NDC80: variants seen among roughly 807,000 people sequenced by gnomAD.
NDC80 encodes the protein kinetochore protein NDC80 homolog.
NDC80 carries 69 observed loss-of-function variants against 89.3 expected under a neutral mutation model. The observed-to-expected ratio is 0.77, with a 90% CI of 0.64 to 0.94. The LOEUF (loss-of-function observed/expected upper bound fraction) is 0.94. Ranked by LOEUF, NDC80 falls within the 40% of genes least tolerant of loss-of-function variation. NDC80 has a pLI of 0.00. For missense variants in NDC80, 593 were observed against 739.6 expected, an observed-to-expected ratio of 0.80 and a Z score of 2.30; for synonymous variants, 243 against 255.6, an observed-to-expected ratio of 0.95 and a Z score of 0.47.
chr18:2,614,726 T>A (rs1296629477), intron 16 of NDC80, among the ~76,000 whole-genome samples: 1 of 152,164 alleles, frequency 6.6e-6, no homozygotes, highest in Non-Finnish European at 1.5e-5. Flanking sequence ...ATTTACACTA[T>A]ATGCTAGGGG....
chr18:2,584,458 T>G (rs2143640172), intron 6 of NDC80, among the ~76,000 whole-genome samples: 1 of 152,212 alleles, frequency 6.6e-6, no homozygotes, highest in East Asian at 1.9e-4. Context: ...ATGTTATGTT[T>G]TTAAAAGAAG....
intron 1 of NDC80, 33 bp from the exon 2 acceptor site, chr18:2,572,944 A>T (rs1344546972): frequency 1.9e-6 from 3 of 1,552,142 alleles, no homozygotes; most frequent in Non-Finnish European, 1.8e-6. Flanking sequence ...CTGTCTGGAA[A>T]GTTTTTTTTA....
At chr18:2,615,589 A>G (rs1307299330) in intron 16 of NDC80, among the ~76,000 whole-genome samples, 1 of 152,196 alleles carries the variant, frequency 6.6e-6, no homozygotes, top group Non-Finnish European at 1.5e-5. Flanking sequence ...TTCTTTTGCT[A>G]TGTAAGCTAA....
Position 2,595,621 on chromosome 18 carries a change from G to A in NDC80, c.1221G>A (p.Ala407=), listed in dbSNP as rs1431859222. 23 of 1,612,012 alleles carry A rather than the reference G, an allele frequency of 1.4e-5. No homozygotes were observed. The highest frequency in any genetic ancestry group is 3.3e-5 in the Admixed American group (2 of 59,954). The change falls in exon 11 of 17, where the codon GCG becomes GCA. Residue 407 remains alanine, a splice_region_variant and synonymous_variant. Coordinates refer to ENST00000261597, the MANE Select transcript of NDC80 (RefSeq NM_006101.3). ...TAAAATATGCCAGAGGCAAAGAAGCGGTATGTCATACCATTTCCAGAGTGG... is the reference window on the plus strand; with the variant it reads ...TAAAATATGCCAGAGGCAAAGAAGCAGTATGTCATACCATTTCCAGAGTGG... ...EELKYARGKE[A]IETQLAEYHK... is the part of the protein sequence containing the mutation.
intron 16 of NDC80, among the ~76,000 whole-genome samples, chr18:2,612,926 A>G (rs2072752991): frequency 6.6e-6 from 1 of 152,244 alleles, no homozygotes; most frequent in South Asian, 2.1e-4. Context: ...ATATTTGTTG[A>G]ACAGGATCAG....
chr18:2,595,641 GA>G lies in NDC80; in HGVS notation c.1221+21del. The G allele has an allele frequency of 6.2e-7, 1 of 1,606,292 alleles. No homozygotes were observed. The highest frequency in any genetic ancestry group is 8.5e-7 in the Non-Finnish European group (1 of 1,174,214). The stretch of plus-strand genomic sequence containing the variant: ...GAAGCGGTATGTCATACCATTTCCA[GA>G]GTGGCAACTCATCATAGCTGACCTT... On this transcript the variant is annotated intron_variant, in intron 11 of 16. Coordinates refer to ENST00000261597, the MANE Select transcript of NDC80 (RefSeq NM_006101.3).
At position 2,600,150 on chromosome 18, in the gene NDC80, A is replaced by G. The variant is rs147078769; in HGVS notation, c.1374+979A>G. ...GCAAGAAAATAATTACATGAATCACATTCTTGTAGAAAAGATTACACAATG... is the reference window on the plus strand; with the variant it reads ...GCAAGAAAATAATTACATGAATCACGTTCTTGTAGAAAAGATTACACAATG... On this transcript the variant is annotated intron_variant, in intron 12 of 16. Transcript: ENST00000261597. 1.5e-3 allele frequency among the ~76,000 whole-genome samples: 234 copies of G among 152,338 alleles called. 2 individuals carry two copies. The highest frequency in any genetic ancestry group is 0.015 in the South Asian group (71 of 4,830).
chr18:2,588,725 C>G (rs546329927), intron 8 of NDC80, among the ~76,000 whole-genome samples: 54 of 152,154 alleles, frequency 3.5e-4, no homozygotes, highest in African/African-American at 1.3e-3. Context: ...AAATAAATGG[C>G]TTTGTTTTAA....
At chr18:2,599,983 G>A (rs934074134) in intron 12 of NDC80, among the ~76,000 whole-genome samples, 7 of 152,108 alleles carry the variant, frequency 4.6e-5, no homozygotes, top group Non-Finnish European at 8.8e-5. Context: ...TTTGTGAGTG[G>A]ACAGACATTG....
intron 10 of NDC80, among the ~76,000 whole-genome samples, chr18:2,591,009 A>T (rs2072625045): frequency 6.6e-6 from 1 of 150,980 alleles, no homozygotes; most frequent in Admixed American, 6.6e-5. Context: ...CGTAGCTGGG[A>T]CTATAATAGG....
Position 2,616,540 on chromosome 18 carries a change from A to C in NDC80, c.1895A>C (p.Lys632Thr), listed in dbSNP as rs749742528. The change falls in exon 17 of 17, where the codon AAG becomes ACG. Residue 632 changes from lysine (K) to threonine (T), a missense_variant. Coordinates refer to ENST00000261597, the MANE Select transcript of NDC80 (RefSeq NM_006101.3). ...AAAGAGATTAGAGATAAGTATGAGAAGAAAGCTACTCTAATTAAGTCTTCT... is the reference window on the plus strand; with the variant it reads ...AAAGAGATTAGAGATAAGTATGAGACGAAAGCTACTCTAATTAAGTCTTCT... ...NIKEIRDKYE[K>T]KATLIKSSEE The C allele has an allele frequency of 6.8e-7, 1 of 1,467,550 alleles. No homozygotes were observed. Among genetic ancestry groups the C allele is most frequent in the South Asian group, 1.3e-5 (1 of 76,442 alleles). 90.9% of individuals were successfully genotyped at this position (1,467,550 alleles called of 1,614,324 possible).
intron 16 of NDC80, chr18:2,614,838 T>G (rs186948130): frequency 6.5e-6 from 1 of 152,910 alleles, no homozygotes; most frequent in East Asian, 1.9e-4. Context: ...TGCGGTTGGT[T>G]AAGATGAGGT....
chr18:2,597,069 A>C (rs1013238858), intron 11 of NDC80, among the ~76,000 whole-genome samples: 1 of 152,174 alleles, frequency 6.6e-6, no homozygotes, highest in Non-Finnish European at 1.5e-5. Flanking sequence ...AGATATACCT[A>C]ATGCTAAATG....
At position 2,587,450 on chromosome 18, in the gene NDC80, T is replaced by TA. The variant is rs1311888587; in HGVS notation, c.670-379dup. 2.6e-5 allele frequency among the ~76,000 whole-genome samples: 4 copies of TA among 152,372 alleles called. No individual in the cohort carries two copies. In the East Asian group the frequency reaches 7.7e-4, roughly 29 times the overall value. On this transcript the variant is annotated intron_variant, in intron 7 of 16. Coordinates refer to ENST00000261597, the MANE Select transcript of NDC80 (RefSeq NM_006101.3). ...AATTGGACTTAGATGATCAGCAGTTTATTTAAATTTTTCATCAGGTGCTTT... is the reference window on the plus strand; with the variant it reads ...AATTGGACTTAGATGATCAGCAGTTTAATTTAAATTTTTCATCAGGTGCTTT...
chr18:2,592,701 A>G (rs1013523959), intron 10 of NDC80, among the ~76,000 whole-genome samples: 3 of 152,070 alleles, frequency 2.0e-5, no homozygotes, highest in African/African-American at 7.2e-5. Context: ...TTTTGTGCAG[A>G]TGCCTGTGAT....
At chr18:2,572,851 G>A in intron 1 of NDC80, 126 bp from the exon 2 acceptor site, 1 of 677,766 alleles carries the variant, frequency 1.5e-6, no homozygotes. Context: ...AGATACCCCA[G>A]GGGAAAGATG....
intron 11 of NDC80, among the ~76,000 whole-genome samples, chr18:2,598,414 G>C (rs1354918287): frequency 2.0e-5 from 3 of 152,178 alleles, no homozygotes; most frequent in Admixed American, 2.0e-4. Flanking sequence ...ATGTCAGGTA[G>C]TGATGATGGC....
chr18:2,616,398 A>T (rs1236899269), intron 16 of NDC80, 39 bp from the exon 17 acceptor site: 2 of 1,335,154 alleles, frequency 1.5e-6, no homozygotes, highest in East Asian at 2.6e-5. Flanking sequence ...AAAGAAATTA[A>T]TTTTTTTTAC....
At position 2,572,960 on chromosome 18, in the gene NDC80, T is replaced by C. The variant is rs1234611524; in HGVS notation, c.-9-17T>C. 6.3e-7 allele frequency: 1 copy of C among 1,597,996 alleles called. No homozygotes were observed. Among genetic ancestry groups the C allele is most frequent in the Non-Finnish European group, 8.5e-7 (1 of 1,172,622 alleles). ...TGTCTGGAAAGTTTTTTTTAAATAC[T>C]GAATTCGTGAATGTAGGTCATAAGC... is the stretch of plus-strand genomic sequence containing the variant. On this transcript the variant is annotated splice_polypyrimidine_tract_variant and intron_variant, in intron 1 of 16. Coordinates refer to ENST00000261597, the MANE Select transcript of NDC80 (RefSeq NM_006101.3).
Sources: gnomAD v4.1 joint callset for allele counts (sites outside exome capture counted in the v4.1 genomes callset) on GRCh38, gnomAD v4.1.1 for gene constraint, MANE v1.5 for transcripts, NCBI Gene and HGNC (gene_info 2026-07-23, HGNC 2026-07-21) for gene names.